GUCY1A1: variants seen among roughly 807,000 people sequenced by gnomAD.
GUCY1A1 encodes the protein guanylate cyclase 1 soluble subunit alpha 1.
Under a neutral mutation model 64.5 loss-of-function variants are expected in GUCY1A1, and 48 were observed. That is an observed-to-expected ratio of 0.74 (90% CI 0.59 to 0.95). GUCY1A1 has a LOEUF of 0.95. GUCY1A1 is among the 40% of genes least tolerant of loss of function. The pLI is 0.00. For missense variants in GUCY1A1, 804 were observed against 825.3 expected (o/e 0.97, Z 0.32); for synonymous variants, 308 against 303.4 (o/e 1.02, Z -0.16).
intron 2 of GUCY1A1, among the ~76,000 whole-genome samples, chr4:155,695,200 G>A (rs1411130292): frequency 1.3e-5 from 2 of 152,286 alleles, no homozygotes; most frequent in South Asian, 4.2e-4. Context: ...ATCCCATGGG[G>A]ATCAGATACT....
chr4:155,711,825 A>G (rs1418781689), intron 6 of GUCY1A1, among the ~76,000 whole-genome samples: 1 of 152,238 alleles, frequency 6.6e-6, no homozygotes, highest in Non-Finnish European at 1.5e-5. Flanking sequence ...AGTTTCACAC[A>G]TGTATAACTT....
chr4:155,681,316 TAGTA>T (rs974886371), intron 2 of GUCY1A1, among the ~76,000 whole-genome samples: 2 of 152,132 alleles, frequency 1.3e-5, no homozygotes, highest in African/African-American at 2.4e-5. Flanking sequence ...GTGCTCTGTA[TAGTA>T]AGTATTTCTA....
Position 155,696,813 on chromosome 4 carries a change from T to C in GUCY1A1, c.-55T>C. The C allele has an allele frequency of 1.3e-6, 2 of 1,557,232 alleles. No individual in the cohort carries two copies. The highest frequency in any genetic ancestry group is 1.8e-6 in the Non-Finnish European group (2 of 1,134,318). On this transcript the variant is annotated 5_prime_UTR_variant, in exon 3 of 10. Coordinates refer to ENST00000506455, the MANE Select transcript of GUCY1A1 (RefSeq NM_001130682.3). ...GTGGCTTCTGTTTGTCAGTCTCATA[T>C]AAGAACTACAGCTCATCAGGAGGAG...
chr4:155,730,243 C>A lies in GUCY1A1; in HGVS notation c.*12C>A, dbSNP rs374946109. The stretch of plus-strand genomic sequence containing the variant: ...CAGGAATAGATTAGCAACCTATATA[C>A]CTATTTATAAGTCTTTGGGGTTTGA... On this transcript the variant is annotated 3_prime_UTR_variant, in exon 10 of 10. Coordinates refer to ENST00000506455, the MANE Select transcript of GUCY1A1 (RefSeq NM_001130682.3). 12 of 1,528,152 alleles carry A rather than the reference C, an allele frequency of 7.9e-6. No homozygotes were observed. Among genetic ancestry groups the A allele is most frequent in the Non-Finnish European group, 9.1e-6 (10 of 1,102,882 alleles). 94.7% of individuals were successfully genotyped at this position (1,528,152 alleles called of 1,614,324 possible).
intron 8 of GUCY1A1, among the ~76,000 whole-genome samples, 177 bp downstream of exon 8, chr4:155,717,479 A>T (rs981630880): frequency 1.3e-5 from 2 of 152,192 alleles, no homozygotes; most frequent in Non-Finnish European, 2.9e-5. Flanking sequence ...ATTATAGGGT[A>T]TTAAATGGCT....
At chr4:155,684,682 A>G (rs553177737) in intron 2 of GUCY1A1, among the ~76,000 whole-genome samples, 2 of 152,260 alleles carry the variant, frequency 1.3e-5, no homozygotes, top group Admixed American at 1.3e-4. Context: ...GTACTTTGCC[A>G]AAGTTTATCC....
Position 155,717,217 on chromosome 4 carries a change from C to T in GUCY1A1, c.1631C>T (p.Thr544Ile), listed in dbSNP as rs1314020635. Residue 544 changes from threonine to isoleucine, a missense_variant, in exon 8 of 10, where the codon ACT becomes ATT. Physicochemically the swap from Thr to Ile is moderately conservative, Grantham distance 89 (BLOSUM62 -1). Coordinates refer to ENST00000506455, the MANE Select transcript of GUCY1A1 (RefSeq NM_001130682.3). Reference sequence around the variant, plus strand: ...GGGGGATTACACAAAGAGAGTGATACTCATGCTGTTCAGATAGCGCTGATG... The same window carrying T: ...GGGGGATTACACAAAGAGAGTGATATTCATGCTGTTCAGATAGCGCTGATG... ...VAGGLHKESD[T>I]HAVQIALMAL... 1.3e-6 allele frequency: 2 copies of T among 1,592,356 alleles called. No homozygotes were observed. The highest frequency in any genetic ancestry group is 1.7e-5 in the Admixed American group (1 of 58,926).
chr4:155,729,363 T>C (rs536175827), intron 9 of GUCY1A1, among the ~76,000 whole-genome samples: 3 of 151,912 alleles, frequency 2.0e-5, no homozygotes, highest in African/African-American at 7.2e-5. Flanking sequence ...TGAAATAGGT[T>C]TAGCATAATG....
In GUCY1A1 at chr4:155,734,285, T is replaced by C. The variant is rs1735849229; in HGVS notation, c.*4054T>C. 6.6e-6 allele frequency among the ~76,000 whole-genome samples: 1 copy of C among 151,950 alleles called. No homozygotes were observed. The highest frequency in any genetic ancestry group is 2.1e-4 in the South Asian group (1 of 4,832). On this transcript the variant is annotated 3_prime_UTR_variant, in exon 10 of 10. Transcript: ENST00000506455. ...AAAACTGCCCAGATGGAGCTTTACA[T>C]GCAAAGCTCCAGTGAAGTCTAGTGC...
intron 3 of GUCY1A1, among the ~76,000 whole-genome samples, chr4:155,701,009 C>G (rs1731011769): frequency 6.6e-6 from 1 of 152,244 alleles, no homozygotes; most frequent in Non-Finnish European, 1.5e-5. Flanking sequence ...TGTGACAGAT[C>G]TCACTTATAG....
intron 8 of GUCY1A1, among the ~76,000 whole-genome samples, chr4:155,720,109 G>T (rs1244890172): frequency 6.6e-6 from 1 of 152,086 alleles, no homozygotes; most frequent in Non-Finnish European, 1.5e-5. Flanking sequence ...GACTAGGAGG[G>T]ACACTTGCCT....
At position 155,670,863 on chromosome 4, in the gene GUCY1A1, C is replaced by T. The variant is rs540644740; in HGVS notation, c.-113+3444C>T. ...ACTAAGAATTAGCAGGAAGTCGACA[C>T]GAGACAATGGCTTTGAGAGTGAACA... On this transcript the variant is annotated intron_variant, in intron 2 of 9. Coordinates refer to ENST00000506455, the MANE Select transcript of GUCY1A1 (RefSeq NM_001130682.3). Among the ~76,000 whole-genome samples the T allele has an allele frequency of 7.4e-4, 112 of 152,248 alleles. 2 individuals carry two copies. Among genetic ancestry groups the T allele is most frequent in the Admixed American group, 1.6e-3 (25 of 15,286 alleles).
At chr4:155,670,109 A>G (rs1733929415) in intron 2 of GUCY1A1, among the ~76,000 whole-genome samples, 1 of 152,212 alleles carries the variant, frequency 6.6e-6, no homozygotes, top group African/African-American at 2.4e-5. Flanking sequence ...TTTCTGTCAG[A>G]TTCACTAAGA....
intron 3 of GUCY1A1, among the ~76,000 whole-genome samples, chr4:155,702,663 T>C (rs1270932338): frequency 1.3e-5 from 2 of 152,210 alleles, no homozygotes; most frequent in Non-Finnish European, 2.9e-5. Flanking sequence ...TTGTTCCACA[T>C]TGTAAATTTA....
chr4:155,669,858 A>C (rs1035180671), intron 2 of GUCY1A1, among the ~76,000 whole-genome samples: 1 of 152,182 alleles, frequency 6.6e-6, no homozygotes, highest in African/African-American at 2.4e-5. Context: ...GCAACTAATG[A>C]GTGTGGACTG....
At chr4:155,727,372 G>T (rs561306077) in intron 9 of GUCY1A1, among the ~76,000 whole-genome samples, 24 of 151,878 alleles carry the variant, frequency 1.6e-4, no homozygotes, top group Non-Finnish European at 2.5e-4. Flanking sequence ...CATAGAAGTT[G>T]TATTCAGAAG....
chr4:155,680,461 T>TGC (rs1491375361), intron 2 of GUCY1A1, among the ~76,000 whole-genome samples: 3 of 9,572 alleles, frequency 3.1e-4, no homozygotes, highest in Non-Finnish European at 5.4e-4. Context: ...TTTAAGTATA[T>TGC]GTGTGTGTGT....
At chr4:155,698,280 A>G (rs1730667425) in intron 3 of GUCY1A1, among the ~76,000 whole-genome samples, 1 of 152,228 alleles carries the variant, frequency 6.6e-6, no homozygotes, top group African/African-American at 2.4e-5. Flanking sequence ...AGTTTATTTC[A>G]GATATAATAT....
rs140969657 is a variant in GUCY1A1 at position 155,714,493 on chromosome 4, G to T, written c.1572+910G>T. Reference sequence around the variant, plus strand: ...AGCTAATGAAGAGATTTCAAGTTCTGCCTGCTTCTTTAGAATTAAAAGTTT... The same window carrying T: ...AGCTAATGAAGAGATTTCAAGTTCTTCCTGCTTCTTTAGAATTAAAAGTTT... On this transcript the variant is annotated intron_variant, in intron 7 of 9. Coordinates refer to ENST00000506455, the MANE Select transcript of GUCY1A1 (RefSeq NM_001130682.3). Among the ~76,000 whole-genome samples, 174 of 152,230 alleles carry T rather than the reference G, an allele frequency of 1.1e-3. 1 individual carries two copies. The highest frequency in any genetic ancestry group is 2.8e-3 in the African/African-American group (117 of 41,534).
Sources: allele counts gnomAD v4.1 joint callset (sites outside exome capture counted in the v4.1 genomes callset), GRCh38; gene constraint gnomAD v4.1.1; transcripts MANE v1.5; gene names NCBI Gene and HGNC (gene_info 2026-07-23, HGNC 2026-07-21).